CSMD1: variants seen among roughly 807,000 people sequenced by gnomAD.
The protein encoded by CSMD1 is CUB and sushi domain-containing protein 1.
A neutral mutation model predicts 417.5 loss-of-function variants in CSMD1; 213 were observed. The observed-to-expected ratio is 0.51, with a 90% confidence interval of 0.46 to 0.57. CSMD1 has a LOEUF of 0.57. Among genes scored for constraint, CSMD1 ranks in the 20% least tolerant of loss-of-function variants. CSMD1 has a pLI of 0.00. For missense variants in CSMD1, 6,923 were observed against 4,529.7 expected (o/e 1.53, Z -15.17); for synonymous variants, 2,862 against 1,736.8 (o/e 1.65, Z -16.11).
chr8:4,562,596 C>T (rs925441916), intron 2 of CSMD1, among the ~76,000 whole-genome samples: 23 of 151,992 alleles, frequency 1.5e-4, no homozygotes, highest in African/African-American at 5.6e-4. Flanking sequence ...GAAATAATAT[C>T]TTTAAAAATT....
intron 33 of CSMD1, among the ~76,000 whole-genome samples, chr8:3,195,914 A>G (rs1008801537): frequency 2.0e-5 from 3 of 152,198 alleles, no homozygotes; most frequent in African/African-American, 7.2e-5. Flanking sequence ...GAGGTGTTTG[A>G]TCCAGAGTGA....
At chr8:4,592,446 G>C (rs1197203951) in intron 2 of CSMD1, among the ~76,000 whole-genome samples, 2 of 151,902 alleles carry the variant, frequency 1.3e-5, no homozygotes, top group Admixed American at 1.3e-4. Flanking sequence ...GAGTGCAGTG[G>C]CATGACCTTG....
At chr8:4,838,253 G>C (rs139772275) in intron 1 of CSMD1, among the ~76,000 whole-genome samples, 77 of 152,244 alleles carry the variant, frequency 5.1e-4, no homozygotes, top group African/African-American at 1.4e-3. Flanking sequence ...TTCACTTATT[G>C]ACTGAGCAAG....
chr8:4,082,606 G>A (rs970059117), intron 3 of CSMD1, among the ~76,000 whole-genome samples: 6 of 151,428 alleles, frequency 4.0e-5, no homozygotes, highest in Admixed American at 6.6e-5. Context: ...TTCTTTTTTC[G>A]TTTTATTTTA....
chr8:3,305,527 A>C (rs746745510), intron 25 of CSMD1, among the ~76,000 whole-genome samples: 2 of 152,050 alleles, frequency 1.3e-5, no homozygotes, highest in African/African-American at 4.8e-5. Context: ...CCCTGATAAA[A>C]GGTTAAGCTT....
chr8:3,559,439 G>A (rs907158709), intron 10 of CSMD1, among the ~76,000 whole-genome samples: 8 of 152,122 alleles, frequency 5.3e-5, no homozygotes, highest in African/African-American at 1.4e-4. Flanking sequence ...ATATTGTAAC[G>A]TTGCCAAGCA....
At chr8:3,629,350 C>T (rs9644347) in intron 7 of CSMD1, among the ~76,000 whole-genome samples, 88,234 of 151,892 alleles carry the variant, frequency 0.58, 26,191 homozygotes, top group Middle Eastern at 0.76. Flanking sequence ...CATTCAGATA[C>T]AGCGTCCTCC....
chr8:4,981,706 A>C, intron 1 of CSMD1, among the ~76,000 whole-genome samples: 1 of 152,142 alleles, frequency 6.6e-6, no homozygotes, highest in Admixed American at 6.5e-5. Context: ...GCCATGCGGC[A>C]CCCCCACCTG....
At chr8:4,681,795 A>C (rs1003075314) in intron 1 of CSMD1, among the ~76,000 whole-genome samples, 12 of 152,130 alleles carry the variant, frequency 7.9e-5, no homozygotes, top group African/African-American at 2.9e-4. Context: ...ATGTTATCTA[A>C]ATAATTTTAA....
intron 2 of CSMD1, among the ~76,000 whole-genome samples, chr8:4,574,034 G>A (rs926978729): frequency 8.5e-5 from 13 of 152,150 alleles, no homozygotes; most frequent in Non-Finnish European, 7.3e-5. Context: ...AGAATTCCCA[G>A]CCAGTGAATC....
intron 11 of CSMD1, among the ~76,000 whole-genome samples, chr8:3,480,283 A>G (rs1262347685): frequency 6.6e-6 from 1 of 152,110 alleles, no homozygotes; most frequent in Non-Finnish European, 1.5e-5. Flanking sequence ...AATTGCTTGA[A>G]CCCAGGAGGC....
At position 4,847,606 on chromosome 8, in the gene CSMD1, G is replaced by A. The variant is rs982470646; in HGVS notation, c.85+146726C>T. The stretch of plus-strand genomic sequence containing the variant: ...ATTCTTTTCAGTTTTGCCTAATATC[G>A]TTTATCTCTTCCAGGACCCCACCGA... On this transcript the variant is annotated intron_variant, in intron 1 of 69. Transcript: ENST00000635120. Among the ~76,000 whole-genome samples the A allele has an allele frequency of 4.0e-5, 6 of 151,678 alleles. No individual in the cohort carries two copies. The East Asian group carries it at 5.8e-4, about 15-fold the overall frequency.
At chr8:3,397,563 T>G (rs1172597054) in intron 16 of CSMD1, among the ~76,000 whole-genome samples, 3 of 152,220 alleles carry the variant, frequency 2.0e-5, no homozygotes, top group Non-Finnish European at 4.4e-5. Flanking sequence ...CTGCCACATT[T>G]GGGATTGCAT....
At chr8:4,849,601 A>G (rs1014014462) in intron 1 of CSMD1, among the ~76,000 whole-genome samples, 9 of 152,140 alleles carry the variant, frequency 5.9e-5, no homozygotes, top group Admixed American at 5.2e-4. Flanking sequence ...CCATAATTTT[A>G]GTGACCTTTT....
At chr8:4,051,173 A>G (rs1165751437) in intron 3 of CSMD1, among the ~76,000 whole-genome samples, 3 of 131,222 alleles carry the variant, frequency 2.3e-5, no homozygotes, top group Non-Finnish European at 5.0e-5. Context: ...AAATGGCAGC[A>G]CAATCCCTGC....
Position 3,099,136 on chromosome 8 carries a change from C to T in CSMD1, c.6950-2099G>A, listed in dbSNP as rs143189642. ...TTTACATTTCTAAGCCTTATCCAAG[C>T]GCTGCAGTGAAGCCAGCAGACTTCA... On this transcript the variant is annotated intron_variant, in intron 46 of 69. Coordinates refer to ENST00000635120, the MANE Select transcript of CSMD1 (RefSeq NM_033225.6). Among the ~76,000 whole-genome samples the T allele has an allele frequency of 3.4e-3, 519 of 152,086 alleles. 3 individuals are homozygous for T. Among genetic ancestry groups the T allele is most frequent in the African/African-American group, 0.011 (465 of 41,476 alleles).
chr8:4,700,284 G>A (rs886658634), intron 1 of CSMD1, among the ~76,000 whole-genome samples: 3 of 151,982 alleles, frequency 2.0e-5, no homozygotes, highest in African/African-American at 4.8e-5. Context: ...AATTTTGTGA[G>A]TATTATAAAC....
intron 3 of CSMD1, among the ~76,000 whole-genome samples, chr8:4,380,281 A>C (rs1345255345): frequency 6.6e-6 from 1 of 152,158 alleles, no homozygotes; most frequent in Non-Finnish European, 1.5e-5. Flanking sequence ...CAGGTGACTA[A>C]GGTCAGCATC....
At chr8:3,207,735 A>G (rs1357419641) in intron 30 of CSMD1, among the ~76,000 whole-genome samples, 1 of 152,174 alleles carries the variant, frequency 6.6e-6, no homozygotes, top group African/African-American at 2.4e-5. Context: ...ATCAAAGCTG[A>G]CAGAAATTTA....
Sources: allele counts gnomAD v4.1 joint callset (sites outside exome capture counted in the v4.1 genomes callset), GRCh38; gene constraint gnomAD v4.1.1; transcripts MANE v1.5; gene names NCBI Gene and HGNC (gene_info 2026-07-23, HGNC 2026-07-21).